TGM6: variants seen among roughly 807,000 people sequenced by gnomAD.
TGM6 encodes transglutaminase 6, also known as protein-glutamine gamma-glutamyltransferase 6.
A neutral mutation model predicts 77.5 loss-of-function variants in TGM6; 74 were observed. That is an observed-to-expected ratio of 0.96 (90% confidence interval 0.79 to 1.16). The LOEUF (loss-of-function observed/expected upper bound fraction) is 1.16. TGM6 is among the 50% of genes most tolerant of loss of function. The probability of loss-of-function intolerance (pLI) is 0.00; values close to 1 mark genes in which losing one functional copy is unlikely to be tolerated. For synonymous variants in TGM6, 383 were observed against 378.9 expected (o/e 1.01, Z -0.12); for missense variants, 968 against 940.2 (o/e 1.03, Z -0.39).
At position 2,432,614 on chromosome 20, in the gene TGM6, G is replaced by A. The variant is rs2084931308; in HGVS notation, c.2092G>A (p.Val698Met). The A allele has an allele frequency of 9.9e-6, 16 of 1,614,118 alleles. No homozygotes were observed. The East Asian group carries it at 3.6e-4, about 36-fold the overall frequency. The change falls in exon 13 of 13, where the codon GTG becomes ATG. Residue 698 changes from valine to methionine, a missense_variant. Transcript: ENST00000202625. The part of the protein sequence containing the change: ...SPHFPDIKGF[V>M]IVHVATAK ...TCACTTCCCGGACATCAAGGGCTTT[G>A]TGATCGTCCATGTGGCCACTGCCAA...
At chr20:2,412,615 T>C (rs188016055) in intron 9 of TGM6, among the ~76,000 whole-genome samples, 1 of 152,084 alleles carries the variant, frequency 6.6e-6, no homozygotes, top group African/African-American at 2.4e-5. Context: ...ATGACATAAT[T>C]TTGTATATAT....
Position 2,400,319 on chromosome 20 carries a change from G to T in TGM6, c.864G>T (p.Leu288Phe), listed in dbSNP as rs2084698112. The change falls in exon 7 of 13, where the codon TTG becomes TTT. Residue 288 changes from leucine (L) to phenylalanine (F), a missense_variant. Transcript: ENST00000202625. ...AGVLCTVLRC[L>F]GIATRVVSNF... The stretch of plus-strand genomic sequence containing the variant: ...TCTGCTCTGCAGTCCTCAGGTGCTT[G>T]GGGATAGCCACACGGGTCGTGTCCA... 1 of 1,614,190 alleles carries T rather than the reference G, an allele frequency of 6.2e-7. No homozygotes were observed. Among genetic ancestry groups the T allele is most frequent in the Non-Finnish European group, 8.5e-7 (1 of 1,180,032 alleles).
intron 1 of TGM6, among the ~76,000 whole-genome samples, chr20:2,393,828 A>C (rs1253765690): frequency 6.6e-6 from 1 of 152,132 alleles, no homozygotes; most frequent in Non-Finnish European, 1.5e-5. Flanking sequence ...CGCCCATCCT[A>C]ATAATGTATC....
chr20:2,431,434 T>G (rs1245307081), intron 12 of TGM6, among the ~76,000 whole-genome samples: 2 of 152,256 alleles, frequency 1.3e-5, no homozygotes, highest in Admixed American at 6.5e-5. Context: ...TGTTCCCATT[T>G]GTTCATGGAT....
intron 9 of TGM6, among the ~76,000 whole-genome samples, chr20:2,415,452 C>T (rs1230787449): frequency 6.6e-6 from 1 of 152,156 alleles, no homozygotes; most frequent in East Asian, 1.9e-4. Flanking sequence ...TTATCCTGCT[C>T]AGTGCCTTGC....
At chr20:2,390,136 G>A (rs1227847704) in intron 1 of TGM6, among the ~76,000 whole-genome samples, 1 of 152,080 alleles carries the variant, frequency 6.6e-6, no homozygotes, top group African/African-American at 2.4e-5. Flanking sequence ...GATTCTTTGT[G>A]GTGAGCATTC....
At chr20:2,384,000 G>A (rs900040479) in intron 1 of TGM6, among the ~76,000 whole-genome samples, 10 of 151,786 alleles carry the variant, frequency 6.6e-5, no homozygotes, top group African/African-American at 2.2e-4. Context: ...CCAGCTTCTC[G>A]GGAGCCTGAG....
intron 10 of TGM6, among the ~76,000 whole-genome samples, chr20:2,420,285 A>G (rs2084847584): frequency 6.6e-6 from 1 of 152,118 alleles, no homozygotes; most frequent in Non-Finnish European, 1.5e-5. Flanking sequence ...CTTTGGCCAA[A>G]TGATAGACTA....
chr20:2,381,516 G>A (rs529834581), intron 1 of TGM6, among the ~76,000 whole-genome samples: 1 of 152,278 alleles, frequency 6.6e-6, no homozygotes, highest in South Asian at 2.1e-4. Context: ...CTGTGTAATG[G>A]GGATTATAAT....
At chr20:2,419,736 T>C (rs1479262206) in intron 10 of TGM6, among the ~76,000 whole-genome samples, 2 of 152,228 alleles carry the variant, frequency 1.3e-5, no homozygotes, top group Admixed American at 1.3e-4. Flanking sequence ...ATCATTTTAA[T>C]AGATATTTAA....
At chr20:2,401,660 T>C (rs1320741339) in intron 7 of TGM6, among the ~76,000 whole-genome samples, 1 of 152,184 alleles carries the variant, frequency 6.6e-6, no homozygotes, top group Non-Finnish European at 1.5e-5. Context: ...TAAGTTAAGA[T>C]CATTGATTCT....
chr20:2,394,326 C>A, intron 1 of TGM6, 126 bp from the exon 2 acceptor site: 1 of 1,096,946 alleles, frequency 9.1e-7, no homozygotes, highest in Non-Finnish European at 1.3e-6. Flanking sequence ...AACAGAGAAT[C>A]GCCGGTATAT....
chr20:2,412,639 A>T (rs972406982), intron 9 of TGM6, among the ~76,000 whole-genome samples: 2 of 152,186 alleles, frequency 1.3e-5, no homozygotes, highest in Non-Finnish European at 2.9e-5. Flanking sequence ...ATCCTAAGGA[A>T]TCCATTAAAA....
intron 9 of TGM6, among the ~76,000 whole-genome samples, chr20:2,410,118 G>A (rs2084775948): frequency 6.6e-6 from 1 of 152,160 alleles, no homozygotes; most frequent in Admixed American, 6.5e-5. Flanking sequence ...ATCACTTTCA[G>A]CATGGGGGCT....
In TGM6 at chr20:2,395,313, C is replaced by G. The variant is rs1429922788; in HGVS notation, c.301C>G (p.Leu101Val). 6.2e-7 allele frequency: 1 copy of G among 1,614,112 alleles called. No homozygotes were observed. The highest frequency in any genetic ancestry group is 8.5e-7 in the Non-Finnish European group (1 of 1,180,046). The change falls in exon 3 of 13, where the codon CTC (leucine) becomes GTC (valine). Residue 101 changes from leucine (L) to valine (V), a missense_variant. Physicochemically the swap from Leu to Val is conservative, Grantham distance 32. Coordinates refer to ENST00000202625, the MANE Select transcript of TGM6 (RefSeq NM_198994.3). ...GATGGAGAAAACTCTGACCGTCAGT[C>G]TCGCCAGCCCTCCCAGTGCTGTCAT... is the stretch of plus-strand genomic sequence containing the variant. ...AQMEKTLTVS[L>V]ASPPSAVIGR...
In TGM6 at chr20:2,381,907, G is replaced by A. The variant is rs569363703; in HGVS notation, c.7+932G>A. On this transcript the variant is annotated intron_variant, in intron 1 of 12. Coordinates refer to ENST00000202625, the MANE Select transcript of TGM6 (RefSeq NM_198994.3). ...CACTGCAGGCTGGGCAACAGAGTGA[G>A]ACCCTGTCTCAAAAAAAAAAGAAAG... Among the ~76,000 whole-genome samples the A allele has an allele frequency of 8.5e-5, 13 of 152,058 alleles. No individual in the cohort carries two copies. In the South Asian group the frequency reaches 2.7e-3, roughly 32 times the overall value.
chr20:2,421,310 A>G (rs1159710842), intron 10 of TGM6, among the ~76,000 whole-genome samples: 1 of 152,230 alleles, frequency 6.6e-6, no homozygotes, highest in African/African-American at 2.4e-5. Context: ...TTAGATAAAT[A>G]CCAAGGAGCA....
rs532317932 is a variant in TGM6, at chr20:2,381,019, A to G, written c.7+44A>G. On this transcript the variant is annotated intron_variant, in intron 1 of 12. Coordinates refer to ENST00000202625, the MANE Select transcript of TGM6 (RefSeq NM_198994.3). ...GGGCCTTGGGACACCAGGGCTCATGAGGGGGGCTTCAAGAAACACGGGTCT... is the reference window on the plus strand; with the variant it reads ...GGGCCTTGGGACACCAGGGCTCATGGGGGGGGCTTCAAGAAACACGGGTCT... The G allele has an allele frequency of 5.6e-6, 9 of 1,605,544 alleles. No individual in the cohort carries two copies. The Admixed American group carries it at 6.8e-5, about 12-fold the overall frequency.
chr20:2,392,233 G>A (rs1356230776), intron 1 of TGM6, among the ~76,000 whole-genome samples: 2 of 152,174 alleles, frequency 1.3e-5, no homozygotes, highest in Admixed American at 6.5e-5. Context: ...TGCCCAGCAC[G>A]TGAATGAATG....
Sources: allele counts gnomAD v4.1 joint callset (sites outside exome capture counted in the v4.1 genomes callset), GRCh38; gene constraint gnomAD v4.1.1; transcripts MANE v1.5; gene names NCBI Gene and HGNC (gene_info 2026-07-23, HGNC 2026-07-21).